The following CSMD1 variants were observed in gnomAD, a reference collection of about 807,000 sequenced individuals.
CSMD1 encodes CUB and sushi domain-containing protein 1.
In CSMD1, 213 loss-of-function variants were observed where a neutral mutation model predicts 417.5. The ratio of observed to expected loss-of-function variants is 0.51; its 90% confidence interval spans 0.46 to 0.57. The LOEUF (loss-of-function observed/expected upper bound fraction) is 0.57. CSMD1 is among the 20% of genes least tolerant of loss of function. The probability of loss-of-function intolerance (pLI) is 0.00; values close to 1 mark genes in which losing one functional copy is unlikely to be tolerated. For synonymous variants in CSMD1, 2,862 were observed against 1,736.8 expected, an observed-to-expected ratio of 1.65 and a Z score of -16.11; for missense variants, 6,923 against 4,529.7, an observed-to-expected ratio of 1.53 and a Z score of -15.17.
rs189500504 is a variant in CSMD1 at position 3,943,834 on chromosome 8, G to C, written c.818+54069C>G. 2.0e-5 allele frequency among the ~76,000 whole-genome samples: 3 copies of C among 152,210 alleles called. No individual in the cohort carries two copies. In the East Asian group the frequency reaches 5.8e-4, roughly 29 times the overall value. On this transcript the variant is annotated intron_variant, in intron 5 of 69. Coordinates refer to ENST00000635120, the MANE Select transcript of CSMD1 (RefSeq NM_033225.6). ...ACTCTCCAAAAGTGTAAAGGATATG[G>C]AAGGAAAAAATTGCCGTTTCCTATT... is the stretch of plus-strand genomic sequence containing the variant.
intron 7 of CSMD1, among the ~76,000 whole-genome samples, chr8:3,651,524 G>T (rs929907826): frequency 1.3e-5 from 2 of 152,022 alleles, no homozygotes; most frequent in Non-Finnish European, 2.9e-5. Flanking sequence ...GTTTCTCCAG[G>T]TGTCTCCTCC....
At chr8:3,331,755 G>A (rs1318558549) in intron 23 of CSMD1, among the ~76,000 whole-genome samples, 1 of 152,064 alleles carries the variant, frequency 6.6e-6, no homozygotes, top group East Asian at 1.9e-4. Context: ...TGACCTTCAG[G>A]GCTTCATGCC....
At chr8:3,452,118 G>C (rs991885353) in intron 12 of CSMD1, among the ~76,000 whole-genome samples, 8 of 152,142 alleles carry the variant, frequency 5.3e-5, no homozygotes, top group Admixed American at 2.0e-4. Context: ...CTCTCTGTTT[G>C]TCTGTTATTG....
At chr8:3,725,698 T>G (rs895494941) in intron 6 of CSMD1, among the ~76,000 whole-genome samples, 1 of 148,134 alleles carries the variant, frequency 6.8e-6, no homozygotes, top group Non-Finnish European at 1.5e-5. Flanking sequence ...CAGCCACCAC[T>G]GCAATGAGAG....
At chr8:3,027,275 C>T (rs1220287809) in intron 51 of CSMD1, among the ~76,000 whole-genome samples, 1 of 152,156 alleles carries the variant, frequency 6.6e-6, no homozygotes, top group Non-Finnish European at 1.5e-5. Flanking sequence ...CACTGCATTC[C>T]CTGGTGTGGA....
Position 4,011,821 on chromosome 8 carries a change from G to T in CSMD1, c.611-13711C>A, listed in dbSNP as rs534614180. Among the ~76,000 whole-genome samples, 188 of 152,234 alleles carry T rather than the reference G, an allele frequency of 1.2e-3. 1 individual carries two copies. The highest frequency in any genetic ancestry group is 4.2e-3 in the African/African-American group (173 of 41,522). ...AATAAAAATTACACTGGAATAATAT[G>T]TGCACAGTCATCTTTGGTATCCATT... is the stretch of plus-strand genomic sequence containing the variant. On this transcript the variant is annotated intron_variant, in intron 4 of 69. Coordinates refer to ENST00000635120, the MANE Select transcript of CSMD1 (RefSeq NM_033225.6).
At chr8:3,392,388 T>C (rs1454736728) in intron 17 of CSMD1, among the ~76,000 whole-genome samples, 1 of 152,168 alleles carries the variant, frequency 6.6e-6, no homozygotes, top group Non-Finnish European at 1.5e-5. Context: ...TGCCTGCATC[T>C]TGGCTTCAGA....
chr8:3,785,187 G>A (rs1029092454), intron 5 of CSMD1, among the ~76,000 whole-genome samples: 1 of 152,176 alleles, frequency 6.6e-6, no homozygotes, highest in Admixed American at 6.5e-5. Flanking sequence ...TGGAGATGAT[G>A]ACTACTGAAT....
intron 1 of CSMD1, among the ~76,000 whole-genome samples, chr8:4,914,471 G>C: frequency 6.6e-6 from 1 of 151,814 alleles, no homozygotes; most frequent in Non-Finnish European, 1.5e-5. Flanking sequence ...CCAGCTACTC[G>C]GGAGGCTGAG....
intron 4 of CSMD1, among the ~76,000 whole-genome samples, chr8:4,008,982 C>G (rs191037005): frequency 7.9e-5 from 12 of 152,068 alleles, no homozygotes; most frequent in African/African-American, 2.9e-4. Context: ...ACAGCAAAAT[C>G]GTCAGTGGGT....
At chr8:3,194,163 T>C (rs1796572557) in intron 33 of CSMD1, among the ~76,000 whole-genome samples, 1 of 152,204 alleles carries the variant, frequency 6.6e-6, no homozygotes, top group Admixed American at 6.5e-5. Flanking sequence ...TTGCAAAGAA[T>C]ATGCTTTTTA....
chr8:4,116,532 TGGATGGAA>T, intron 3 of CSMD1, among the ~76,000 whole-genome samples: 1 of 73,582 alleles, frequency 1.4e-5, no homozygotes, highest in South Asian at 5.7e-4. Flanking sequence ...TGCAGGTACC[TGGATGGAA>T]CAAACGCGCC....
chr8:4,772,212 CCAG>C (rs1302405487), intron 1 of CSMD1, among the ~76,000 whole-genome samples: 1 of 152,176 alleles, frequency 6.6e-6, no homozygotes, highest in Non-Finnish European at 1.5e-5. Context: ...TTCTCTGCTT[CCAG>C]CAGCAGCCTG....
intron 3 of CSMD1, among the ~76,000 whole-genome samples, chr8:4,412,778 G>C (rs1025454412): frequency 2.0e-5 from 3 of 152,100 alleles, no homozygotes; most frequent in Admixed American, 2.0e-4. Flanking sequence ...TACCTATACT[G>C]ATATGACAGT....
chr8:4,869,558 T>A (rs1802614155), intron 1 of CSMD1, among the ~76,000 whole-genome samples: 1 of 152,082 alleles, frequency 6.6e-6, no homozygotes, highest in Non-Finnish European at 1.5e-5. Context: ...GCATGGCTGT[T>A]ATGAAAAGCC....
chr8:4,032,203 A>G (rs1245377500), intron 3 of CSMD1, 104 bp from the exon 4 acceptor site: 2 of 744,444 alleles, frequency 2.7e-6, no homozygotes, highest in South Asian at 4.3e-5. Flanking sequence ...AAAATGAGAA[A>G]ACCTCTAGCA....
At chr8:4,291,694 G>T (rs899241681) in intron 3 of CSMD1, among the ~76,000 whole-genome samples, 3 of 152,182 alleles carry the variant, frequency 2.0e-5, no homozygotes, top group African/African-American at 7.2e-5. Context: ...TTATTCAACG[G>T]GTGGTAAAAT....
intron 1 of CSMD1, among the ~76,000 whole-genome samples, chr8:4,958,065 C>A (rs1204519758): frequency 1.3e-5 from 2 of 152,174 alleles, no homozygotes; most frequent in East Asian, 1.9e-4. Context: ...TAAGAGGGAG[C>A]TTCATGTATT....
intron 1 of CSMD1, among the ~76,000 whole-genome samples, chr8:4,762,581 A>T (rs753646273): frequency 8.5e-5 from 13 of 152,164 alleles, no homozygotes; most frequent in Admixed American, 2.6e-4. Flanking sequence ...CAACACAGGA[A>T]GAACCAGTGC....
Sources: gnomAD v4.1 joint callset for allele counts (sites outside exome capture counted in the v4.1 genomes callset) on GRCh38, gnomAD v4.1.1 for gene constraint, MANE v1.5 for transcripts, NCBI Gene and HGNC (gene_info 2026-07-23, HGNC 2026-07-21) for gene names.